Variants in TMEM132D observed in about 807,000 individuals in gnomAD.
TMEM132D encodes transmembrane protein 132D.
Under a neutral mutation model 62.3 loss-of-function variants are expected in TMEM132D, and 21 were observed. That is an observed-to-expected ratio of 0.34 (90% CI 0.24 to 0.49). The LOEUF is 0.49. Ranked by LOEUF, TMEM132D falls within the 20% of genes least tolerant of loss-of-function variation. The pLI is 0.99. For missense variants in TMEM132D, 1,346 were observed against 1,402.8 expected (o/e 0.96, Z 0.65); for synonymous variants, 621 against 575.6 (o/e 1.08, Z -1.13).
intron 5 of TMEM132D, among the ~76,000 whole-genome samples, chr12:129,149,758 G>C (rs541917227): frequency 1.5e-3 from 224 of 152,314 alleles, no homozygotes; most frequent in Middle Eastern, 3.4e-3. Flanking sequence ...CCCAACACTG[G>C]GGGGCTGGGA....
At chr12:129,351,482 T>C (rs1869859883) in intron 3 of TMEM132D, among the ~76,000 whole-genome samples, 2 of 152,162 alleles carry the variant, frequency 1.3e-5, no homozygotes, top group African/African-American at 4.8e-5. Flanking sequence ...CAAAACCCTA[T>C]GGCTTTGGAC....
At chr12:129,115,140 A>G (rs1221695946) in intron 5 of TMEM132D, among the ~76,000 whole-genome samples, 4 of 152,224 alleles carry the variant, frequency 2.6e-5, no homozygotes, top group African/African-American at 9.6e-5. Context: ...TTAAAACATG[A>G]ACTTATCACA....
In TMEM132D at chr12:129,371,835, T is replaced by C. The variant is rs1001353703; in HGVS notation, c.1116-34018A>G. 3.3e-5 allele frequency among the ~76,000 whole-genome samples: 5 copies of C among 152,202 alleles called. No individual in the cohort carries two copies. The highest frequency in any genetic ancestry group is 5.9e-5 in the Non-Finnish European group (4 of 68,026). On this transcript the variant is annotated intron_variant, in intron 3 of 8. Coordinates refer to ENST00000422113, the MANE Select transcript of TMEM132D (RefSeq NM_133448.3). This position sits in a 1 kb window ranked among gnomAD's most constrained non-coding sequence, Gnocchi z 4.3. Reference sequence around the variant, plus strand: ...ACTTTCCAAGTCTTGTCTGTCCCCATGTTTCTTGCTGTGTCACATCCATGA... The same window carrying C: ...ACTTTCCAAGTCTTGTCTGTCCCCACGTTTCTTGCTGTGTCACATCCATGA...
At chr12:129,175,709 TA>T (rs1167336300) in intron 5 of TMEM132D, among the ~76,000 whole-genome samples, 10 of 152,170 alleles carry the variant, frequency 6.6e-5, no homozygotes, top group Non-Finnish European at 1.2e-4. Flanking sequence ...ACTCCATCTC[TA>T]AATAAATAGG....
At chr12:129,472,700 A>G (rs1434438324) in intron 3 of TMEM132D, among the ~76,000 whole-genome samples, 1 of 152,206 alleles carries the variant, frequency 6.6e-6, no homozygotes, top group Non-Finnish European at 1.5e-5. Flanking sequence ...AAGGATTTAC[A>G]ATATTGCTTC....
Position 129,337,792 on chromosome 12 carries a change from T to G in TMEM132D, c.1141A>C (p.Met381Leu). Residue 381 changes from methionine to leucine, a missense_variant, in exon 4 of 9, where the codon ATG (methionine) becomes CTG (leucine). Transcript: ENST00000422113. ...TCTTCCACCTCCACATCGATCTGCATGACCTCGTAGGAGGCGCCATCCGCA... is the reference window on the plus strand; with the variant it reads ...TCTTCCACCTCCACATCGATCTGCAGGACCTCGTAGGAGGCGCCATCCGCA... ...NSADGASYEVMQIDVEVEEPG... is the reference protein window; with the variant it reads ...NSADGASYEVLQIDVEVEEPG... The G allele has an allele frequency of 6.2e-7, 1 of 1,612,730 alleles. No individual in the cohort carries two copies. The highest frequency in any genetic ancestry group is 1.1e-5 in the South Asian group (1 of 90,958).
intron 4 of TMEM132D, among the ~76,000 whole-genome samples, chr12:129,328,545 T>A (rs748134883): frequency 2.2e-4 from 34 of 152,322 alleles, no homozygotes; most frequent in Middle Eastern, 3.4e-3. Flanking sequence ...TCATTATAAA[T>A]CACCTCTGGA....
At chr12:129,406,344 G>A (rs898341262) in intron 3 of TMEM132D, among the ~76,000 whole-genome samples, 1 of 152,186 alleles carries the variant, frequency 6.6e-6, no homozygotes, top group African/African-American at 2.4e-5. Flanking sequence ...ACGTGGGCTG[G>A]GCGTGGTGGC....
intron 5 of TMEM132D, among the ~76,000 whole-genome samples, chr12:129,183,299 T>C (rs905253043): frequency 6.6e-6 from 1 of 152,208 alleles, no homozygotes; most frequent in African/African-American, 2.4e-5. Flanking sequence ...CAGGGGCCTA[T>C]TACAGGTGAG....
chr12:129,226,083 G>T (rs563560526), intron 4 of TMEM132D, among the ~76,000 whole-genome samples: 1 of 152,314 alleles, frequency 6.6e-6, no homozygotes, highest in Non-Finnish European at 1.5e-5. Flanking sequence ...ACTTTCAAGG[G>T]TGATGTTGAT....
chr12:129,152,626 G>T (rs915369516), intron 5 of TMEM132D, among the ~76,000 whole-genome samples: 3 of 152,156 alleles, frequency 2.0e-5, no homozygotes, highest in African/African-American at 7.2e-5. Flanking sequence ...TGGGGAGAGA[G>T]GTCTCCCAGG....
intron 4 of TMEM132D, among the ~76,000 whole-genome samples, chr12:129,285,992 T>C (rs11060235): frequency 0.057 from 8,665 of 152,224 alleles, 326 homozygotes; most frequent in Admixed American, 0.087. Flanking sequence ...TTTAAAAAAA[T>C]ATGCTATTAA....
intron 1 of TMEM132D, among the ~76,000 whole-genome samples, chr12:129,718,022 C>A (rs1484433024): frequency 6.6e-6 from 1 of 152,188 alleles, no homozygotes; most frequent in African/African-American, 2.4e-5. Flanking sequence ...GCAGAGATTT[C>A]CTTCAAAATC....
chr12:129,719,107 A>AAAT (rs1868714486), intron 1 of TMEM132D, among the ~76,000 whole-genome samples: 2 of 151,398 alleles, frequency 1.3e-5, no homozygotes, highest in Admixed American at 1.3e-4. Context: ...AAAGAAAAAA[A>AAAT]GCTGGGTGTA....
rs780058544 is a variant in TMEM132D at position 129,078,584 on chromosome 12, C to T, written c.2065G>A (p.Ala689Thr). The stretch of plus-strand genomic sequence containing the variant: ...TGAGCCACTGCAGTGGCAAAGATGG[C>T]CCTGTTGCTTCCTGGGCTGAGCTGC... ...SLQLSPGSNR[A>T]IFATAVAQEL... Residue 689 changes from alanine (A) to threonine (T), a missense_variant, in exon 8 of 9, where the codon GCC becomes ACC. Transcript: ENST00000422113. 1 of 1,614,130 alleles carries T rather than the reference C, an allele frequency of 6.2e-7. No homozygotes were observed. The highest frequency in any genetic ancestry group is 8.5e-7 in the Non-Finnish European group (1 of 1,180,040).
intron 1 of TMEM132D, among the ~76,000 whole-genome samples, chr12:129,811,262 TAGTG>T (rs1872169343): frequency 6.6e-6 from 1 of 151,500 alleles, no homozygotes; most frequent in Admixed American, 6.6e-5. Flanking sequence ...GCCCAACACT[TAGTG>T]AGTGTCAGGG....
intron 3 of TMEM132D, among the ~76,000 whole-genome samples, chr12:129,499,899 C>T (rs771309230): frequency 1.3e-5 from 2 of 152,022 alleles, no homozygotes; most frequent in Admixed American, 6.5e-5. Context: ...TTCACCTGAC[C>T]TCATCTGTCC....
chr12:129,380,557 TTGTGTGTGTGTGCG>T (rs1870916863), intron 3 of TMEM132D, among the ~76,000 whole-genome samples: 2 of 151,690 alleles, frequency 1.3e-5, no homozygotes, highest in African/African-American at 4.8e-5. Context: ...CTTGCAGACG[TTGTGTGTGTGTGCG>T]TGTGTGTGTG....
At chr12:129,204,460 C>G (rs1173497122) in intron 5 of TMEM132D, among the ~76,000 whole-genome samples, 1 of 152,034 alleles carries the variant, frequency 6.6e-6, no homozygotes, top group Non-Finnish European at 1.5e-5. Flanking sequence ...ATAATTCAGT[C>G]AAACAAAAAT....
Sources: allele counts gnomAD v4.1 joint callset (sites outside exome capture counted in the v4.1 genomes callset), GRCh38; gene constraint gnomAD v4.1.1; non-coding constraint Gnocchi (gnomAD v3.1); transcripts MANE v1.5; gene names NCBI Gene and HGNC (gene_info 2026-07-23, HGNC 2026-07-21).